Variants in SCAPER observed in about 807,000 individuals in gnomAD.
SCAPER encodes the protein S-phase cyclin A associated protein in the ER.
SCAPER carries 98 observed loss-of-function variants against 182.2 expected under a neutral mutation model. The observed-to-expected ratio is 0.54, with a 90% CI of 0.46 to 0.64. The LOEUF (loss-of-function observed/expected upper bound fraction) is 0.64, where lower values mean the gene tolerates loss of function less well. SCAPER is among the 30% of genes least tolerant of loss of function. SCAPER has a pLI of 0.00. For missense variants in SCAPER, 1,432 were observed against 1,690.0 expected (o/e 0.85, Z 2.68); for synonymous variants, 605 against 564.6 (o/e 1.07, Z -1.01).
chr15:76,899,491 T>C (rs2074631849), intron 1 of SCAPER, among the ~76,000 whole-genome samples: 1 of 152,222 alleles, frequency 6.6e-6, no homozygotes, highest in Non-Finnish European at 1.5e-5. Flanking sequence ...TGGAGTGCAG[T>C]GGCCTGATCT....
chr15:76,465,122 A>C (rs1020201985), intron 25 of SCAPER, among the ~76,000 whole-genome samples: 2 of 152,096 alleles, frequency 1.3e-5, no homozygotes, highest in Admixed American at 6.6e-5. Flanking sequence ...ATATATTTGG[A>C]TATTAACGTC....
At chr15:76,745,328 A>G (rs936234462) in intron 15 of SCAPER, among the ~76,000 whole-genome samples, 1 of 152,098 alleles carries the variant, frequency 6.6e-6, no homozygotes, top group Non-Finnish European at 1.5e-5. Flanking sequence ...GTGTGCTTGT[A>G]ATCTCAGCTA....
rs1226177854 is a variant in SCAPER, at chr15:76,773,459, TTAAG to T, written c.1035+1392_1035+1395del. The stretch of plus-strand genomic sequence containing the variant: ...ACACAGCAAAAATGCTAGCTGTTGG[TTAAG>T]TATTATAAAAAGTAGTTTATTCACT... On this transcript the variant is annotated intron_variant, in intron 9 of 31. Coordinates refer to ENST00000563290, the MANE Select transcript of SCAPER (RefSeq NM_020843.4). Among the ~76,000 whole-genome samples, 4 of 151,956 alleles carry T rather than the reference TTAAG, an allele frequency of 2.6e-5. No individual in the cohort carries two copies. The South Asian group carries it at 8.3e-4, about 31-fold the overall frequency.
At chr15:76,757,624 CAGA>C (rs745493406) in intron 14 of SCAPER, among the ~76,000 whole-genome samples, 3 of 152,064 alleles carry the variant, frequency 2.0e-5, no homozygotes, top group South Asian at 2.1e-4. Flanking sequence ...GATATATACC[CAGA>C]AGAAGAACTG....
intron 23 of SCAPER, among the ~76,000 whole-genome samples, chr15:76,543,821 A>G (rs1048170829): frequency 2.6e-5 from 4 of 152,228 alleles, no homozygotes; most frequent in African/African-American, 9.6e-5. Context: ...ATCAGCAAGC[A>G]AAATGAAAAA....
Position 76,404,143 on chromosome 15 carries a change from G to A in SCAPER, c.3467+381C>T, listed in dbSNP as rs550168109. Among the ~76,000 whole-genome samples, 23 of 152,276 alleles carry A rather than the reference G, an allele frequency of 1.5e-4. No homozygotes were observed. In the South Asian group the frequency reaches 2.7e-3, roughly 18 times the overall value. On this transcript the variant is annotated intron_variant, in intron 27 of 31. Coordinates refer to ENST00000563290, the MANE Select transcript of SCAPER (RefSeq NM_020843.4). Reference sequence around the variant, plus strand: ...GAAAGCACATGAATGACGGTAATGAGCACTTTCAGGCTGTACTGTGTAGGG... The same window carrying A: ...GAAAGCACATGAATGACGGTAATGAACACTTTCAGGCTGTACTGTGTAGGG...
intron 25 of SCAPER, among the ~76,000 whole-genome samples, chr15:76,439,108 T>TA (rs1353657448): frequency 6.6e-6 from 1 of 151,916 alleles, no homozygotes; most frequent in Admixed American, 6.6e-5. Flanking sequence ...TTTAAGAAGA[T>TA]AGAGTCTTGC....
At chr15:76,511,871 G>GTGTGTA (rs1254821810) in intron 23 of SCAPER, among the ~76,000 whole-genome samples, 22 of 100,668 alleles carry the variant, frequency 2.2e-4, no homozygotes, top group African/African-American at 7.4e-4. Context: ...GTGTGTGTGT[G>GTGTGTA]TATATATATA....
intron 20 of SCAPER, among the ~76,000 whole-genome samples, chr15:76,686,854 C>T (rs1340914436): frequency 2.0e-5 from 3 of 151,958 alleles, no homozygotes; most frequent in Non-Finnish European, 4.4e-5. Context: ...TAAAAGTATA[C>T]ATTTTAGGAA....
chr15:76,649,939 A>G (rs1415285168), intron 21 of SCAPER, among the ~76,000 whole-genome samples: 1 of 152,208 alleles, frequency 6.6e-6, no homozygotes, highest in Admixed American at 6.5e-5. Flanking sequence ...AGCAAAGAGC[A>G]TAACAAATGG....
intron 4 of SCAPER, among the ~76,000 whole-genome samples, chr15:76,849,772 T>C (rs1264560330): frequency 1.3e-5 from 2 of 152,184 alleles, no homozygotes; most frequent in Admixed American, 1.3e-4. Context: ...CACGCTGCTA[T>C]GAAGAAATAC....
chr15:76,750,874 C>A (rs1355051641), intron 15 of SCAPER, among the ~76,000 whole-genome samples: 3 of 151,670 alleles, frequency 2.0e-5, no homozygotes, highest in African/African-American at 7.3e-5. Flanking sequence ...TAAGGTAGCA[C>A]CAGAAGTTCA....
intron 22 of SCAPER, among the ~76,000 whole-genome samples, chr15:76,589,366 C>A (rs2145642359): frequency 6.6e-6 from 1 of 152,080 alleles, no homozygotes; most frequent in East Asian, 1.9e-4. Context: ...TGTCTAAGCT[C>A]AGATTCTCCT....
chr15:76,637,345 G>A (rs1002667212), intron 21 of SCAPER, among the ~76,000 whole-genome samples: 5 of 152,082 alleles, frequency 3.3e-5, no homozygotes, highest in Non-Finnish European at 5.9e-5. Flanking sequence ...CCAAGCAGAT[G>A]CACCACTTTA....
At chr15:76,757,621 AC>A (rs1282203182) in intron 14 of SCAPER, among the ~76,000 whole-genome samples, 1 of 152,154 alleles carries the variant, frequency 6.6e-6, no homozygotes, top group Non-Finnish European at 1.5e-5. Flanking sequence ...TTGGATATAT[AC>A]CCAGAAGAAG....
intron 2 of SCAPER, among the ~76,000 whole-genome samples, chr15:76,866,516 AC>A (rs1243241436): frequency 6.6e-6 from 1 of 152,184 alleles, no homozygotes; most frequent in Admixed American, 6.5e-5. Context: ...AAGAAAAACC[AC>A]TAGCTCAAGA....
At chr15:76,629,616 G>A (rs2052913700) in intron 21 of SCAPER, among the ~76,000 whole-genome samples, 2 of 152,242 alleles carry the variant, frequency 1.3e-5, no homozygotes, top group Non-Finnish European at 2.9e-5. Context: ...AAGCCAACTT[G>A]ATTGTGGTGG....
At chr15:76,555,772 A>G (rs1195503956) in intron 23 of SCAPER, among the ~76,000 whole-genome samples, 1 of 152,146 alleles carries the variant, frequency 6.6e-6, no homozygotes, top group Non-Finnish European at 1.5e-5. Flanking sequence ...AAACTTACAT[A>G]ATAATGGTGG....
intron 21 of SCAPER, among the ~76,000 whole-genome samples, chr15:76,641,134 C>T (rs1323022363): frequency 6.6e-6 from 1 of 152,180 alleles, no homozygotes; most frequent in Non-Finnish European, 1.5e-5. Flanking sequence ...GCTTCATGTC[C>T]TGTTTCTATG....
Sources: allele counts gnomAD v4.1 joint callset (sites outside exome capture counted in the v4.1 genomes callset), GRCh38; gene constraint gnomAD v4.1.1; transcripts MANE v1.5; gene names NCBI Gene and HGNC (gene_info 2026-07-23, HGNC 2026-07-21).